DNAH5: variants seen among roughly 807,000 people sequenced by gnomAD.
DNAH5 encodes dynein axonemal heavy chain 5.
Under a neutral mutation model 518.2 loss-of-function variants are expected in DNAH5, and 372 were observed. That is an observed-to-expected ratio of 0.72 (90% confidence interval 0.66 to 0.78). DNAH5 has a LOEUF of 0.78. Ranked by LOEUF, DNAH5 falls within the 30% of genes least tolerant of loss-of-function variation. DNAH5 has a pLI of 0.00. For missense variants in DNAH5, 5,523 were observed against 5,687.0 expected (o/e 0.97, Z 0.93); for synonymous variants, 2,039 against 2,025.9 (o/e 1.01, Z -0.17).
At chr5:13,894,846 A>G in intron 15 of DNAH5, 25 bp from the exon 16 acceptor site, 3 of 1,607,110 alleles carry the variant, frequency 1.9e-6, no homozygotes, top group Non-Finnish European at 2.5e-6. Flanking sequence ...GGGTTAAGTA[A>G]TCAATTAATA....
chr5:13,840,990 C>A lies in DNAH5; in HGVS notation c.5625G>T (p.Thr1875=), dbSNP rs1054334590. The A allele has an allele frequency of 6.2e-7, 1 of 1,614,156 alleles. No homozygotes were observed. Among genetic ancestry groups the A allele is most frequent in the Non-Finnish European group, 8.5e-7 (1 of 1,179,992 alleles). Residue 1875 remains threonine (T), a synonymous_variant, in exon 34 of 79, where the codon ACG becomes ACT. Coordinates refer to ENST00000265104, the MANE Select transcript of DNAH5 (RefSeq NM_001369.3). The part of the protein sequence containing the change: ...ELLNTLIDVT[T]RDLSSTERVK... Reference sequence around the variant, plus strand: ...CTCGTTCCGTGGAACTCAGATCCCTCGTGGTGACGTCTATCAATGTATTGA... The same window carrying A: ...CTCGTTCCGTGGAACTCAGATCCCTAGTGGTGACGTCTATCAATGTATTGA...
At chr5:13,798,729 G>T (rs1319969974) in intron 47 of DNAH5, among the ~76,000 whole-genome samples, 1 of 138,570 alleles carries the variant, frequency 7.2e-6, no homozygotes, top group Non-Finnish European at 1.5e-5. Flanking sequence ...TTTTCATCAT[G>T]ATTTTATTTA....
At position 13,839,389 on chromosome 5, in the gene DNAH5, G is replaced by T; in HGVS notation, c.5849C>A (p.Thr1950Asn). 1 of 1,614,100 alleles carries T rather than the reference G, an allele frequency of 6.2e-7. No homozygotes were observed. Among genetic ancestry groups the T allele is most frequent in the Non-Finnish European group, 8.5e-7 (1 of 1,179,954 alleles). Residue 1950 changes from threonine (T) to asparagine (N), a missense_variant, in exon 35 of 79, where the codon ACT becomes AAT. Thr to Asn is a moderately conservative substitution (Grantham distance 65, BLOSUM62 0). Coordinates refer to ENST00000265104, the MANE Select transcript of DNAH5 (RefSeq NM_001369.3). ...AAGTGGAGTTATTACAAGCCTGTCAGTGCAGCCTAAAAATTCATTCTGGTA... is the reference window on the plus strand; with the variant it reads ...AAGTGGAGTTATTACAAGCCTGTCATTGCAGCCTAAAAATTCATTCTGGTA... ...FIYQNEFLGC[T>N]DRLVITPLTD... is the part of the protein sequence containing the mutation.
intron 1 of DNAH5, among the ~76,000 whole-genome samples, chr5:13,971,090 TG>T (rs1459169955): frequency 6.6e-6 from 1 of 152,182 alleles, no homozygotes; most frequent in African/African-American, 2.4e-5. Flanking sequence ...GACTTTCCAG[TG>T]TATTTTGCAT....
In DNAH5 at chr5:13,765,861, G is replaced by GA. The variant is rs1360241956; in HGVS notation, c.10101+114dup. ...TATATTTGAGACAAAGTTTTACTCT[G>GA]AAAAAATCATGTATGTAGAGTAAGT... is the stretch of plus-strand genomic sequence containing the variant. On this transcript the variant is annotated intron_variant, in intron 59 of 78. Coordinates refer to ENST00000265104, the MANE Select transcript of DNAH5 (RefSeq NM_001369.3). The GA allele has an allele frequency of 7.3e-6, 8 of 1,100,476 alleles. No individual in the cohort carries two copies. In the East Asian group the frequency reaches 1.9e-4, roughly 26 times the overall value. 68.2% of individuals were successfully genotyped at this position (1,100,476 alleles called of 1,614,324 possible). A position where few individuals can be genotyped will look rare whatever the true frequency, so the allele number is the denominator to read the frequency against.
intron 47 of DNAH5, among the ~76,000 whole-genome samples, chr5:13,802,163 C>T (rs1758854622): frequency 1.3e-5 from 2 of 152,264 alleles, no homozygotes; most frequent in African/African-American, 2.4e-5. Context: ...ATTGGGGAAT[C>T]GTAGTCAGCA....
upstream of DNAH5, among the ~76,000 whole-genome samples, chr5:13,948,574 GA>G (rs1780113215): frequency 6.6e-6 from 1 of 152,118 alleles, no homozygotes; most frequent in African/African-American, 2.4e-5. Context: ...TAACATATGT[GA>G]AAAATTATCT....
intron 3 of DNAH5, among the ~76,000 whole-genome samples, chr5:13,926,703 C>A (rs1375069736): frequency 6.6e-6 from 1 of 151,360 alleles, no homozygotes; most frequent in Admixed American, 6.6e-5. Context: ...GAAGGACTAT[C>A]ACCAGTGAGA....
intron 38 of DNAH5, among the ~76,000 whole-genome samples, chr5:13,827,159 C>T (rs375097475): frequency 2.6e-5 from 4 of 152,068 alleles, no homozygotes; most frequent in Admixed American, 6.6e-5. Context: ...AATTTCTAAG[C>T]GGCAAAGCTT....
chr5:13,915,697 A>G (rs1838701), intron 9 of DNAH5, among the ~76,000 whole-genome samples: 69,894 of 151,872 alleles, frequency 0.46, 17,224 homozygotes, highest in East Asian at 0.85. Flanking sequence ...GTCTTGATTC[A>G]TCAAAAATTC....
At position 13,824,218 on chromosome 5, in the gene DNAH5, T is replaced by C. The variant is rs1762600245; in HGVS notation, c.6560A>G (p.Asp2187Gly). 1 of 1,614,006 alleles carries C rather than the reference T, an allele frequency of 6.2e-7. No homozygotes were observed. The highest frequency in any genetic ancestry group is 1.3e-5 in the African/African-American group (1 of 74,932). Reference sequence around the variant, plus strand: ...TCTTACCAGTTTAGAAAGATTCATGTCCCGTAGTACACGCATGACAATCGT... The same window carrying C: ...TCTTACCAGTTTAGAAAGATTCATGCCCCGTAGTACACGCATGACAATCGT... ...ESTIVMRVLR[D>G]MNLSKLIDED... Residue 2187 changes from aspartate (D) to glycine (G), a missense_variant, in exon 39 of 79, where the codon GAC becomes GGC. By Grantham distance (94) the Asp-to-Gly change is moderately conservative. Transcript: ENST00000265104.
chr5:14,009,948 T>C (rs921716176), intron 1 of DNAH5, among the ~76,000 whole-genome samples: 3 of 152,236 alleles, frequency 2.0e-5, no homozygotes. Flanking sequence ...GTATAAAATC[T>C]GTATATTCAT....
At chr5:13,862,958 G>T (rs557297485) in intron 28 of DNAH5, among the ~76,000 whole-genome samples, 2 of 152,042 alleles carry the variant, frequency 1.3e-5, no homozygotes, top group African/African-American at 4.8e-5. Flanking sequence ...ATAAAGATAT[G>T]ACTGAAAAAT....
chr5:13,818,540 T>C (rs1218773463), intron 41 of DNAH5, among the ~76,000 whole-genome samples: 1 of 152,236 alleles, frequency 6.6e-6, no homozygotes, highest in Admixed American at 6.5e-5. Flanking sequence ...TTTTTTCTGC[T>C]AAAAACATTT....
rs1001856735 is a variant in DNAH5, at chr5:13,817,434, A to T, written c.6988+114T>A. On this transcript the variant is annotated intron_variant, in intron 42 of 78. Transcript: ENST00000265104. ...ATATCACACTGATTTATGACTTCTT[A>T]GTCTTGGCTAAGATATTATACAGCA... is the stretch of plus-strand genomic sequence containing the variant. 5.8e-6 allele frequency: 6 copies of T among 1,030,080 alleles called. 1 individual carries two copies. The highest frequency in any genetic ancestry group is 8.7e-6 in the Non-Finnish European group (6 of 688,690). 63.8% of individuals were successfully genotyped at this position (1,030,080 alleles called of 1,614,324 possible).
intron 52 of DNAH5, among the ~76,000 whole-genome samples, chr5:13,782,437 C>T (rs569816375): frequency 2.6e-5 from 4 of 152,248 alleles, no homozygotes; most frequent in African/African-American, 9.6e-5. Flanking sequence ...GGTGCATATG[C>T]CCTGTTTTTC....
intron 34 of DNAH5, among the ~76,000 whole-genome samples, chr5:13,839,997 G>A (rs1764946712): frequency 6.6e-6 from 1 of 152,108 alleles, no homozygotes; most frequent in Admixed American, 6.6e-5. Flanking sequence ...AATTACATCG[G>A]GCCAAAATTT....
intron 32 of DNAH5, among the ~76,000 whole-genome samples, chr5:13,842,376 G>A (rs547143408): frequency 7.0e-4 from 102 of 146,536 alleles, no homozygotes; most frequent in African/African-American, 2.3e-3. Flanking sequence ...GCGAGACTCC[G>A]TCTCAAAAAA....
At chr5:13,830,554 C>T (rs367918749) in intron 36 of DNAH5, 43 bp downstream of exon 36, 16 of 1,604,502 alleles carry the variant, frequency 1.0e-5, no homozygotes, top group Middle Eastern at 3.3e-4. Context: ...AATATTCCAC[C>T]TTGGCTGCAA....
Sources: gnomAD v4.1 joint callset for allele counts (sites outside exome capture counted in the v4.1 genomes callset) on GRCh38, gnomAD v4.1.1 for gene constraint, MANE v1.5 for transcripts, NCBI Gene and HGNC (gene_info 2026-07-23, HGNC 2026-07-21) for gene names.